Variants in HMCN2 observed in about 807,000 individuals in gnomAD.
HMCN2 encodes the protein hemicentin-2.
A neutral mutation model predicts 377.5 loss-of-function variants in HMCN2; 325 were observed. The observed-to-expected ratio is 0.86, with a 90% confidence interval of 0.79 to 0.94. The LOEUF (loss-of-function observed/expected upper bound fraction) is 0.94, where lower values mean the gene tolerates loss of function less well. Among genes scored for constraint, HMCN2 ranks in the 40% least tolerant of loss-of-function variants. The pLI, the probability that HMCN2 is intolerant of heterozygous loss-of-function variation, is 0.00. For missense variants in HMCN2, 4,543 were observed against 4,725.3 expected, an observed-to-expected ratio of 0.96 and a Z score of 1.13; for synonymous variants, 2,007 against 2,046.8, an observed-to-expected ratio of 0.98 and a Z score of 0.53.
At position 130,365,896 on chromosome 9, in the gene HMCN2, A is replaced by C. The variant is rs1840666090; in HGVS notation, c.6526A>C (p.Arg2176=). The part of the protein sequence containing the change: ...NVWVAPVFPL[R]ESHTLTVREG... ...CTCAGTTGCTCCAGTGTTCCCCTTG[A>C]GGGAATCCCACACCCTGACTGTGAG... The change falls in exon 43 of 98, where the codon AGG becomes CGG. Residue 2176 remains arginine (R), a synonymous_variant. Coordinates refer to ENST00000683500, the MANE Select transcript of HMCN2 (RefSeq NM_001291815.2). 1.0e-6 allele frequency: 1 copy of C among 985,486 alleles called. No homozygotes were observed. The highest frequency in any genetic ancestry group is 1.2e-6 in the Non-Finnish European group (1 of 829,868). 61.0% of individuals were successfully genotyped at this position (985,486 alleles called of 1,614,324 possible).
Position 130,428,208 on chromosome 9 carries a change from G to C in HMCN2, c.14066-150G>C. 1.1e-6 allele frequency: 1 copy of C among 911,506 alleles called. No individual in the cohort carries two copies. The highest frequency in any genetic ancestry group is 1.6e-6 in the Non-Finnish European group (1 of 639,788). The allele number at this position is 911,506 out of a possible 1,614,324, so 56.5% of individuals were successfully genotyped here. A position where few individuals can be genotyped will look rare whatever the true frequency, so the allele number is the denominator to read the frequency against. On this transcript the variant is annotated intron_variant, in intron 92 of 97. Transcript: ENST00000683500. This position sits in a 1 kb window ranked among gnomAD's most constrained non-coding sequence, Gnocchi z 5.0. ...TTTTGGGATAGGGAGCAAGACAATG[G>C]AAAGAGCTAGCAGAAGGGGTGGGGA...
Position 130,410,631 on chromosome 9 carries a change from G to C in HMCN2, c.12940G>C (p.Val4314Leu). ...AENEMGVAKK[V>L]VILVLQSAPV... Reference sequence around the variant, plus strand: ...GAATGAGATGGGCGTGGCGAAGAAAGTGGTGATCCTCGTCCTGCAGAGTGA... The same window carrying C: ...GAATGAGATGGGCGTGGCGAAGAAACTGGTGATCCTCGTCCTGCAGAGTGA... The change falls in exon 85 of 98, where the codon GTG (valine) becomes CTG (leucine). Residue 4314 changes from valine (V) to leucine (L), a missense_variant. Val to Leu is a conservative substitution (Grantham distance 32, BLOSUM62 1). Around this residue, in one of 5 missense-constraint regions of HMCN2, gnomAD observed 1,155 missense variants for 1,157.7 expected, o/e 1.00. Coordinates refer to ENST00000683500, the MANE Select transcript of HMCN2 (RefSeq NM_001291815.2). The C allele has an allele frequency of 1.3e-6, 2 of 1,550,652 alleles. No homozygotes were observed. Among genetic ancestry groups the C allele is most frequent in the Non-Finnish European group, 1.7e-6 (2 of 1,147,006 alleles).
intron 54 of HMCN2, among the ~76,000 whole-genome samples, chr9:130,380,132 G>T (rs1017148749): frequency 2.6e-5 from 4 of 152,142 alleles, no homozygotes; most frequent in Non-Finnish European, 5.9e-5. Context: ...GTCTCGGATC[G>T]GCCTCCCAAC....
chr9:130,383,884 T>C (rs1841869918), intron 57 of HMCN2, among the ~76,000 whole-genome samples: 1 of 152,240 alleles, frequency 6.6e-6, no homozygotes, highest in Non-Finnish European at 1.5e-5. Flanking sequence ...TTCCCTGGGC[T>C]GACTCCTTCC....
Position 130,316,208 on chromosome 9 carries a change from C to T in HMCN2, c.2351-3287C>T, listed in dbSNP as rs968061912. ...TGCCACCCCGTCACTGCCAGGAGTG[C>T]GACAAAGGAAGCAGCGTCAGGGACT... On this transcript the variant is annotated intron_variant, in intron 15 of 97. Coordinates refer to ENST00000683500, the MANE Select transcript of HMCN2 (RefSeq NM_001291815.2). Among the ~76,000 whole-genome samples the T allele has an allele frequency of 3.0e-3, 462 of 152,216 alleles. 5 individuals are homozygous for T. The highest frequency in any genetic ancestry group is 0.011 in the African/African-American group (441 of 41,528).
intron 70 of HMCN2, 30 bp downstream of exon 70, chr9:130,395,138 G>GGGGCGGGC: frequency 1.7e-6 from 1 of 587,040 alleles, no homozygotes; most frequent in South Asian, 1.9e-5. Context: ...TGGGGGCAGG[G>GGGGCGGGC]CCGGGAGGCA....
At chr9:130,342,118 T>C (rs1335939641) in intron 24 of HMCN2, among the ~76,000 whole-genome samples, 1 of 152,000 alleles carries the variant, frequency 6.6e-6, no homozygotes, top group Non-Finnish European at 1.5e-5. Context: ...TGTCTGAGGG[T>C]ACAGCTCAGC....
At position 130,418,849 on chromosome 9, in the gene HMCN2, A is replaced by T; in HGVS notation, c.13039A>T (p.Thr4347Ser). 1 of 1,547,208 alleles carries T rather than the reference A, an allele frequency of 6.5e-7. No homozygotes were observed. The highest frequency in any genetic ancestry group is 8.7e-7 in the Non-Finnish European group (1 of 1,144,750). Residue 4347 changes from threonine to serine, a missense_variant, in exon 86 of 98, where the codon ACT (threonine) becomes TCT (serine). Thr to Ser is a moderately conservative substitution (Grantham distance 58). Coordinates refer to ENST00000683500, the MANE Select transcript of HMCN2 (RefSeq NM_001291815.2). ...GDDVALRCQA[T>S]GEPTPTIEWL... is the part of the protein sequence containing the mutation. ...TGACGTGGCCCTGCGGTGCCAGGCC[A>T]CTGGAGAGCCCACACCCACCATTGA... is the stretch of plus-strand genomic sequence containing the variant.
Position 130,307,462 on chromosome 9 carries a change from C to T in HMCN2, c.2096C>T (p.Ser699Leu), listed in dbSNP as rs143378550. 11 of 470,918 alleles carry T rather than the reference C, an allele frequency of 2.3e-5. No individual in the cohort carries two copies. Among genetic ancestry groups the T allele is most frequent in the South Asian group, 6.2e-5 (4 of 64,568 alleles). The allele number at this position is 470,918 out of a possible 1,614,324, so 29.2% of individuals were successfully genotyped here. ...TCTCTTCCCCACACAGACCCACCGTCGGTCTCTGCTGTAAATGCCGTGGTG... is the reference window on the plus strand; with the variant it reads ...TCTCTTCCCCACACAGACCCACCGTTGGTCTCTGCTGTAAATGCCGTGGTG... Reference protein sequence around the residue: ...TVTLYYTDPPSVSAVNAVVLV... With the variant: ...TVTLYYTDPPLVSAVNAVVLV... The change falls in exon 14 of 98, where the codon TCG becomes TTG. Residue 699 changes from serine to leucine, a missense_variant. Coordinates refer to ENST00000683500, the MANE Select transcript of HMCN2 (RefSeq NM_001291815.2).
At chr9:130,331,167 A>C (rs1212110666) in intron 22 of HMCN2, among the ~76,000 whole-genome samples, 2 of 151,778 alleles carry the variant, frequency 1.3e-5, no homozygotes, top group Non-Finnish European at 2.9e-5. Context: ...AAAAAAAAAA[A>C]AAAAGGACAA....
chr9:130,411,686 G>A (rs978807934), intron 85 of HMCN2, among the ~76,000 whole-genome samples: 4 of 151,504 alleles, frequency 2.6e-5, no homozygotes, highest in East Asian at 1.9e-4. Context: ...GTCATTATGC[G>A]AAGTGGAAAA....
rs988657121 is a variant in HMCN2, at chr9:130,316,020, C to T, written c.2351-3475C>T. ...ACAGTTCAGCCCGTAGCAGACAGGG[C>T]TCAGGCAGGCAAAGCCACGGTCCAG... On this transcript the variant is annotated intron_variant, in intron 15 of 97. Transcript: ENST00000683500. 5.4e-3 allele frequency among the ~76,000 whole-genome samples: 821 copies of T among 152,296 alleles called. 6 individuals are homozygous for T. The highest frequency in any genetic ancestry group is 0.01 in the Middle Eastern group (3 of 294).
At chr9:130,310,337 G>A (rs1265877672) in intron 15 of HMCN2, among the ~76,000 whole-genome samples, 2 of 152,256 alleles carry the variant, frequency 1.3e-5, no homozygotes, top group African/African-American at 4.8e-5. Flanking sequence ...TTGGCCGGGT[G>A]ATTCTGGCTC....
chr9:130,358,284 T>A, intron 35 of HMCN2, 106 bp from the exon 36 acceptor site: 1 of 1,257,478 alleles, frequency 8.0e-7, no homozygotes. Flanking sequence ...AGTGTCCCCA[T>A]GCCTCACTGC....
chr9:130,299,151 G>A lies in HMCN2; in HGVS notation c.1139G>A (p.Gly380Asp), dbSNP rs1554933278. The change falls in exon 8 of 98, where the codon GGC becomes GAC. Residue 380 changes from glycine to aspartate, a missense_variant. Gly to Asp is a moderately conservative substitution (Grantham distance 94). Around this residue, in one of 5 missense-constraint regions of HMCN2, gnomAD observed 547 missense variants for 189.9 expected, o/e 2.88. Coordinates refer to ENST00000683500, the MANE Select transcript of HMCN2 (RefSeq NM_001291815.2). ...LTLPTKPLSNGSTHQLWGGPP... is the reference protein window; with the variant it reads ...LTLPTKPLSNDSTHQLWGGPP... ...CTGCCCACGAAGCCCCTCTCCAATG[G>A]CTCCACCCATCAGCTGTGGGGCGGG... 6 of 471,096 alleles carry A rather than the reference G, an allele frequency of 1.3e-5. No individual in the cohort carries two copies. Among genetic ancestry groups the A allele is most frequent in the Admixed American group, 9.4e-5 (4 of 42,556 alleles). The allele number at this position is 471,096 out of a possible 1,614,324, so 29.2% of individuals were successfully genotyped here. A position where few individuals can be genotyped will look rare whatever the true frequency, so the allele number is the denominator to read the frequency against.
Position 130,395,232 on chromosome 9 carries a change from C to G in HMCN2, c.10796C>G (p.Pro3599Arg), listed in dbSNP as rs1842550598. The G allele has an allele frequency of 2.3e-6, 3 of 1,289,050 alleles. No homozygotes were observed. Among genetic ancestry groups the G allele is most frequent in the Non-Finnish European group, 3.0e-6 (3 of 988,548 alleles). 79.9% of individuals were successfully genotyped at this position (1,289,050 alleles called of 1,614,324 possible). The change falls in exon 71 of 98, where the codon CCC becomes CGC. Residue 3599 changes from proline (P) to arginine (R), a missense_variant. By Grantham distance (103) the Pro-to-Arg change is moderately radical. This residue lies in a region of HMCN2 where 1,073 missense variants were observed against 1,319.5 expected (regional missense o/e 0.81). Transcript: ENST00000683500. ...CCAGCCCCTCCAAACATTGTTGGGCCCCGAGGCCCCCGCTTTGTGGTCGGC... is the reference window on the plus strand; with the variant it reads ...CCAGCCCCTCCAAACATTGTTGGGCGCCGAGGCCCCCGCTTTGTGGTCGGC... ...RVQAPPNIVG[P>R]RGPRFVVGLA...
At chr9:130,358,134 C>T in intron 35 of HMCN2, 146 bp downstream of exon 35, 1 of 751,886 alleles carries the variant, frequency 1.3e-6, no homozygotes, top group Non-Finnish European at 1.9e-6. Context: ...GGGTGAGCCT[C>T]AGCCTCTTCC....
Position 130,354,823 on chromosome 9 carries a change from G to A in HMCN2, c.4925G>A (p.Arg1642Lys), listed in dbSNP as rs1312813567. 2.3e-6 allele frequency: 3 copies of A among 1,304,100 alleles called. No homozygotes were observed. The highest frequency in any genetic ancestry group is 3.0e-5 in the African/African-American group (2 of 65,884). The allele number at this position is 1,304,100 out of a possible 1,614,324, so 80.8% of individuals were successfully genotyped here. The change falls in exon 32 of 98, where the codon AGG (arginine) becomes AAG (lysine). Residue 1642 changes from arginine (R) to lysine (K), a missense_variant. Around this residue, in one of 5 missense-constraint regions of HMCN2, gnomAD observed 1,032 missense variants for 1,285.1 expected, o/e 0.80. Coordinates refer to ENST00000683500, the MANE Select transcript of HMCN2 (RefSeq NM_001291815.2). ...TACGTGGTGAAGGCTGTGGCTGGGA[G>A]GCCTGTGGCGCTGGAGTGCGTGGCC... ...RPYVVKAVAGRPVALECVARG... is the reference protein window; with the variant it reads ...RPYVVKAVAGKPVALECVARG...
chr9:130,399,672 G>T (rs1345230255), intron 76 of HMCN2, 40 bp downstream of exon 76: 1 of 1,254,610 alleles, frequency 8.0e-7, no homozygotes, highest in Admixed American at 2.4e-5. Flanking sequence ...CCTGGGGTGG[G>T]GGCAGCGCCT....
Sources: gnomAD v4.1 joint callset for allele counts (sites outside exome capture counted in the v4.1 genomes callset) on GRCh38, gnomAD v4.1.1 for gene constraint, gnomAD v4.1.1 regional missense constraint, Gnocchi (gnomAD v3.1) non-coding constraint, MANE v1.5 for transcripts, NCBI Gene and HGNC (gene_info 2026-07-23, HGNC 2026-07-21) for gene names.